Variants in ZFHX3 observed in about 807,000 individuals in gnomAD.
ZFHX3 encodes the protein zinc finger homeobox protein 3.
ZFHX3 carries 42 observed loss-of-function variants against 279.1 expected under a neutral mutation model. The ratio of observed to expected loss-of-function variants is 0.15; its 90% CI spans 0.12 to 0.19. The LOEUF (loss-of-function observed/expected upper bound fraction) is 0.19. ZFHX3 is among the 10% of genes least tolerant of loss of function. The probability of loss-of-function intolerance (pLI) is 1.00; values close to 1 mark genes in which losing one functional copy is unlikely to be tolerated. For missense variants in ZFHX3, 4,981 were observed against 4,754.0 expected, an observed-to-expected ratio of 1.05 and a Z score of -1.40; for synonymous variants, 2,293 against 1,957.8, an observed-to-expected ratio of 1.17 and a Z score of -4.52.
chr16:73,212,517 A>C (rs2012055983), intron 5 of ZFHX3, among the ~76,000 whole-genome samples: 1 of 152,204 alleles, frequency 6.6e-6, no homozygotes, highest in African/African-American at 2.4e-5. Flanking sequence ...TGCTGTGAAC[A>C]TTCTAGATTG....
At chr16:73,841,342 T>A (rs1961301726) in intron 1 of ZFHX3, among the ~76,000 whole-genome samples, 1 of 144,842 alleles carries the variant, frequency 6.9e-6, no homozygotes, top group African/African-American at 2.5e-5. Context: ...TGGGGGTGGG[T>A]GGGAGCTGGG....
At chr16:73,708,079 T>TG (rs57694938) in intron 1 of ZFHX3, among the ~76,000 whole-genome samples, 119,183 of 144,068 alleles carry the variant, frequency 0.83, 50,708 homozygotes, top group Non-Finnish European at 0.93. Context: ...TTGGGTGTGG[T>TG]GGGGGGGGGA....
chr16:73,431,528 G>C (rs1597333136), intron 3 of ZFHX3, among the ~76,000 whole-genome samples: 3 of 152,168 alleles, frequency 2.0e-5, no homozygotes, highest in African/African-American at 7.2e-5. Flanking sequence ...GTGACAGAGG[G>C]AGACGCTGTC....
At chr16:73,842,175 C>T (rs1286467102) in intron 1 of ZFHX3, among the ~76,000 whole-genome samples, 1 of 151,610 alleles carries the variant, frequency 6.6e-6, no homozygotes, top group East Asian at 1.9e-4. Flanking sequence ...GAGATTGCAC[C>T]ACTGCACTCC....
chr16:73,452,367 G>A (rs573103246), intron 3 of ZFHX3, among the ~76,000 whole-genome samples: 2 of 151,982 alleles, frequency 1.3e-5, no homozygotes, highest in South Asian at 2.1e-4. Flanking sequence ...TTTCATCAAC[G>A]TCTGTATATA....
chr16:73,528,732 G>A (rs2019738786), intron 2 of ZFHX3, among the ~76,000 whole-genome samples: 1 of 152,200 alleles, frequency 6.6e-6, no homozygotes, highest in Non-Finnish European at 1.5e-5. Flanking sequence ...CTCTTGTTCA[G>A]TCTTGTTTTG....
At chr16:73,607,668 C>A (rs1009630467) in intron 2 of ZFHX3, among the ~76,000 whole-genome samples, 1 of 152,200 alleles carries the variant, frequency 6.6e-6, no homozygotes, top group East Asian at 1.9e-4. Context: ...ATGAATACTA[C>A]TACTTACCCA....
At chr16:73,288,499 T>C (rs892190551) in intron 4 of ZFHX3, among the ~76,000 whole-genome samples, 4 of 152,046 alleles carry the variant, frequency 2.6e-5, no homozygotes, top group Non-Finnish European at 5.9e-5. Context: ...CTACAGAAAA[T>C]GAGAACCAGC....
chr16:73,269,104 C>G (rs2014069390), intron 4 of ZFHX3, among the ~76,000 whole-genome samples: 1 of 152,130 alleles, frequency 6.6e-6, no homozygotes, highest in Non-Finnish European at 1.5e-5. Flanking sequence ...AAGAATATAC[C>G]TTCTGTCCTA....
At chr16:73,200,214 C>T (rs1341645172) in intron 5 of ZFHX3, among the ~76,000 whole-genome samples, 1 of 151,926 alleles carries the variant, frequency 6.6e-6, no homozygotes, top group Non-Finnish European at 1.5e-5. Context: ...AGTAGTAAAT[C>T]GTATTAAATT....
intron 4 of ZFHX3, among the ~76,000 whole-genome samples, chr16:72,867,840 C>A (rs1415661341): frequency 6.6e-6 from 1 of 152,128 alleles, no homozygotes; most frequent in Non-Finnish European, 1.5e-5. Context: ...CCAGTTGAGT[C>A]GGTTTTTCTG....
intron 2 of ZFHX3, among the ~76,000 whole-genome samples, chr16:73,539,100 C>T (rs1184502048): frequency 6.6e-6 from 1 of 152,026 alleles, no homozygotes; most frequent in African/African-American, 2.4e-5. Flanking sequence ...AAACTAATAG[C>T]CTATGTTATC....
intron 3 of ZFHX3, among the ~76,000 whole-genome samples, chr16:73,319,077 T>C (rs961000371): frequency 8.4e-5 from 6 of 71,576 alleles, no homozygotes; most frequent in Non-Finnish European, 1.5e-4. Context: ...ATGGAGGGGG[T>C]GAGGTGCTGA....
chr16:73,752,543 C>T (rs923360829), intron 1 of ZFHX3, among the ~76,000 whole-genome samples: 6 of 152,142 alleles, frequency 3.9e-5, no homozygotes, highest in African/African-American at 1.4e-4. Flanking sequence ...TCTTCCTGGT[C>T]CCCAACAGCT....
At chr16:73,713,994 G>A (rs1489917424) in intron 1 of ZFHX3, among the ~76,000 whole-genome samples, 3 of 152,096 alleles carry the variant, frequency 2.0e-5, no homozygotes, top group Non-Finnish European at 4.4e-5. Flanking sequence ...GATACCCAGC[G>A]GCTGGCACCA....
intron 5 of ZFHX3, among the ~76,000 whole-genome samples, chr16:72,814,022 A>G (rs951715461): frequency 2.0e-5 from 3 of 152,040 alleles, no homozygotes; most frequent in African/African-American, 7.2e-5. Flanking sequence ...CTTAGTGGTT[A>G]TCTTCTATAT....
chr16:72,983,526 G>A lies in ZFHX3; in HGVS notation c.-49-23332C>T, dbSNP rs761671704. On this transcript the variant is annotated intron_variant, in intron 1 of 9. Coordinates refer to ENST00000268489, the MANE Select transcript of ZFHX3 (RefSeq NM_006885.4). ...GTTCGAGGCCAGCCACAGCAACATAGTAAGACCCCCATCTCTACAAAAATT... is the reference window on the plus strand; with the variant it reads ...GTTCGAGGCCAGCCACAGCAACATAATAAGACCCCCATCTCTACAAAAATT... 2.6e-5 allele frequency among the ~76,000 whole-genome samples: 4 copies of A among 152,172 alleles called. 1 individual carries two copies. Among genetic ancestry groups the A allele is most frequent in the African/African-American group, 4.8e-5 (2 of 41,448 alleles).
chr16:72,864,374 T>C (rs570292761), intron 4 of ZFHX3, among the ~76,000 whole-genome samples: 9 of 152,188 alleles, frequency 5.9e-5, no homozygotes, highest in East Asian at 1.9e-4. Flanking sequence ...TTAGAAAACA[T>C]AGAAGCACAT....
intron 1 of ZFHX3, among the ~76,000 whole-genome samples, chr16:73,024,704 G>A (rs1486383836): frequency 6.6e-6 from 1 of 152,210 alleles, no homozygotes; most frequent in Non-Finnish European, 1.5e-5. Context: ...TGATTTGTGA[G>A]CTGATTATTC....
Sources: allele counts gnomAD v4.1 joint callset (sites outside exome capture counted in the v4.1 genomes callset), GRCh38; gene constraint gnomAD v4.1.1; transcripts MANE v1.5; gene names NCBI Gene and HGNC (gene_info 2026-07-23, HGNC 2026-07-21).